Variants in RABGAP1L observed in about 807,000 individuals in gnomAD.
RABGAP1L encodes RAB GTPase activating protein 1 like, also known as rab GTPase-activating protein 1-like.
Under a neutral mutation model 137.7 loss-of-function variants are expected in RABGAP1L, and 63 were observed. The ratio of observed to expected loss-of-function variants is 0.46; its 90% CI spans 0.37 to 0.56. The LOEUF is 0.56. Ranked by LOEUF, RABGAP1L falls within the 20% of genes least tolerant of loss-of-function variation. The pLI, the probability that RABGAP1L is intolerant of heterozygous loss-of-function variation, is 0.00. For missense variants in RABGAP1L, 1,095 were observed against 1,244.0 expected (o/e 0.88, Z 1.80); for synonymous variants, 431 against 433.7 (o/e 0.99, Z 0.08).
intron 13 of RABGAP1L, among the ~76,000 whole-genome samples, chr1:174,444,247 G>T (rs1003001700): frequency 1.3e-5 from 2 of 151,404 alleles, no homozygotes; most frequent in Non-Finnish European, 3.0e-5. Context: ...CATTAAATCT[G>T]TATGTTGCTT....
chr1:174,785,574 G>C (rs1481189039), intron 18 of RABGAP1L, among the ~76,000 whole-genome samples: 1 of 152,246 alleles, frequency 6.6e-6, no homozygotes, highest in Non-Finnish European at 1.5e-5. Context: ...AGGCATTCTT[G>C]TTGGAAAATA....
chr1:174,396,219 A>T (rs956877604), intron 13 of RABGAP1L, among the ~76,000 whole-genome samples: 1 of 152,126 alleles, frequency 6.6e-6, no homozygotes, highest in African/African-American at 2.4e-5. Flanking sequence ...TTTTTAGATG[A>T]TGGAAATATT....
intron 13 of RABGAP1L, among the ~76,000 whole-genome samples, chr1:174,570,110 TGTTGAAATTATACCA>T: frequency 6.6e-6 from 1 of 152,342 alleles, no homozygotes; most frequent in South Asian, 2.1e-4. Context: ...AACAAAAAGA[TGTTGAAATTATACCA>T]GTTGACCAGT....
At chr1:174,677,637 A>G (rs757211841) in intron 14 of RABGAP1L, among the ~76,000 whole-genome samples, 5 of 152,208 alleles carry the variant, frequency 3.3e-5, no homozygotes, top group Non-Finnish European at 7.3e-5. Context: ...AATTGCCTAG[A>G]TCTTCACAGA....
chr1:174,702,109 T>A lies in RABGAP1L; in HGVS notation c.2026-4T>A. ...GCTCCTAAATTTTCCACTTTGACTT[T>A]TAGGAACAGCTACCGGACCTGCATA... is the stretch of plus-strand genomic sequence containing the variant. On this transcript the variant is annotated splice_region_variant and splice_polypyrimidine_tract_variant and intron_variant, in intron 16 of 25. Transcript: ENST00000681986. 6.2e-7 allele frequency: 1 copy of A among 1,606,342 alleles called. No individual in the cohort carries two copies. The highest frequency in any genetic ancestry group is 8.5e-7 in the Non-Finnish European group (1 of 1,177,550).
chr1:174,273,208 T>C (rs1291914759), intron 8 of RABGAP1L, among the ~76,000 whole-genome samples: 11 of 152,062 alleles, frequency 7.2e-5, no homozygotes, highest in Admixed American at 7.2e-4. Context: ...GTTTTGCAAA[T>C]ATCAGTTAAA....
intron 19 of RABGAP1L, among the ~76,000 whole-genome samples, chr1:174,956,249 T>A (rs766651672): frequency 6.6e-6 from 1 of 152,132 alleles, no homozygotes; most frequent in Non-Finnish European, 1.5e-5. Context: ...TTGCCCAGGC[T>A]GGAGTAAGTG....
intron 12 of RABGAP1L, among the ~76,000 whole-genome samples, chr1:174,389,274 T>G (rs1472933089): frequency 4.6e-5 from 7 of 152,040 alleles, no homozygotes; most frequent in Non-Finnish European, 1.0e-4. Context: ...TAATTTCAGT[T>G]ATAGTCTTTT....
intron 13 of RABGAP1L, among the ~76,000 whole-genome samples, chr1:174,551,580 T>C (rs541732134): frequency 6.6e-6 from 1 of 152,218 alleles, no homozygotes; most frequent in East Asian, 1.9e-4. Flanking sequence ...CTCAGATCAA[T>C]AGTGTAAGTT....
chr1:174,322,590 C>T (rs1680092846), intron 11 of RABGAP1L, among the ~76,000 whole-genome samples: 1 of 152,156 alleles, frequency 6.6e-6, no homozygotes, highest in African/African-American at 2.4e-5. Context: ...ACCCAAGAGA[C>T]CAAGGTGAAA....
chr1:174,763,796 C>T (rs1034956902), intron 18 of RABGAP1L, among the ~76,000 whole-genome samples: 1 of 146,296 alleles, frequency 6.8e-6, no homozygotes, highest in Admixed American at 6.9e-5. Flanking sequence ...CGAGATCGTG[C>T]CACTGCACTC....
intron 19 of RABGAP1L, among the ~76,000 whole-genome samples, chr1:174,840,305 C>T (rs1201330794): frequency 6.6e-6 from 1 of 152,164 alleles, no homozygotes; most frequent in Admixed American, 6.5e-5. Flanking sequence ...ATGGTAGAAA[C>T]ATGAACCCTA....
At chr1:174,907,076 T>TA (rs34716998) in intron 19 of RABGAP1L, among the ~76,000 whole-genome samples, 61 of 147,810 alleles carry the variant, frequency 4.1e-4, no homozygotes, top group African/African-American at 9.2e-4. Flanking sequence ...ACTAATGGGT[T>TA]AAAAAAAAAA....
chr1:174,708,483 C>G (rs1558004356), intron 17 of RABGAP1L, among the ~76,000 whole-genome samples: 1 of 152,094 alleles, frequency 6.6e-6, no homozygotes, highest in Admixed American at 6.6e-5. Context: ...GTGGGTGCAG[C>G]CCATGAAGGA....
At chr1:174,953,332 A>G (rs957885621) in intron 19 of RABGAP1L, among the ~76,000 whole-genome samples, 3 of 152,218 alleles carry the variant, frequency 2.0e-5, no homozygotes, top group East Asian at 1.9e-4. Flanking sequence ...TTCCCCTCCC[A>G]TATCTCCGTC....
At chr1:174,537,240 A>G (rs1664965298) in intron 13 of RABGAP1L, among the ~76,000 whole-genome samples, 1 of 152,214 alleles carries the variant, frequency 6.6e-6, no homozygotes, top group Non-Finnish European at 1.5e-5. Context: ...TTGCTATGAC[A>G]GTTCATATTA....
At chr1:174,891,475 G>A (rs550527966) in intron 19 of RABGAP1L, among the ~76,000 whole-genome samples, 1 of 152,190 alleles carries the variant, frequency 6.6e-6, no homozygotes, top group Admixed American at 6.5e-5. Flanking sequence ...TGCCAAAAAG[G>A]TGTAGTCCCT....
chr1:174,830,651 A>G lies in RABGAP1L; in HGVS notation c.2340+18691A>G, dbSNP rs1692021486. Among the ~76,000 whole-genome samples, 4 of 147,050 alleles carry G rather than the reference A, an allele frequency of 2.7e-5. No individual in the cohort carries two copies. The South Asian group carries it at 9.0e-4, about 33-fold the overall frequency. ...GCCACCATGCCTGGCCAATTTTTGTATTTTTAGTAGAGACAAGGTTTCATC... is the reference window on the plus strand; with the variant it reads ...GCCACCATGCCTGGCCAATTTTTGTGTTTTTAGTAGAGACAAGGTTTCATC... On this transcript the variant is annotated intron_variant, in intron 19 of 25. Coordinates refer to ENST00000681986, the MANE Select transcript of RABGAP1L (RefSeq NM_001366446.1).
At chr1:174,532,246 T>C (rs1054360089) in intron 13 of RABGAP1L, among the ~76,000 whole-genome samples, 3 of 151,812 alleles carry the variant, frequency 2.0e-5, no homozygotes, top group African/African-American at 7.3e-5. Flanking sequence ...TCTTGCTCTG[T>C]CACCCAGGCT....
Sources: gnomAD v4.1 joint callset for allele counts (sites outside exome capture counted in the v4.1 genomes callset) on GRCh38, gnomAD v4.1.1 for gene constraint, MANE v1.5 for transcripts, NCBI Gene and HGNC (gene_info 2026-07-23, HGNC 2026-07-21) for gene names.